The following ITCH variants were observed in gnomAD, a reference collection of about 807,000 sequenced individuals.
The protein encoded by ITCH is itchy E3 ubiquitin protein ligase.
In ITCH, 28 loss-of-function variants were observed where a neutral mutation model predicts 126.8. The ratio of observed to expected loss-of-function variants is 0.22; its 90% CI spans 0.16 to 0.30. The LOEUF is 0.30. Ranked by LOEUF, ITCH falls within the 10% of genes least tolerant of loss-of-function variation. ITCH has a pLI of 1.00. For missense variants in ITCH, 631 were observed against 1,032.4 expected (o/e 0.61, Z 5.33); for synonymous variants, 342 against 340.0 (o/e 1.01, Z -0.06).
intron 15 of ITCH, among the ~76,000 whole-genome samples, chr20:34,471,095 TG>T (rs1477171627): frequency 2.0e-5 from 3 of 152,172 alleles, no homozygotes; most frequent in African/African-American, 7.2e-5. Context: ...GTTACTGTGA[TG>T]AATATTTTTA....
chr20:34,442,784 T>C (rs1484488606), intron 10 of ITCH, among the ~76,000 whole-genome samples: 2 of 150,242 alleles, frequency 1.3e-5, no homozygotes, highest in African/African-American at 4.9e-5. Context: ...CCATCCTGGC[T>C]AACGTGGTGA....
At chr20:34,433,443 C>T (rs923315749) in intron 7 of ITCH, among the ~76,000 whole-genome samples, 54 of 152,022 alleles carry the variant, frequency 3.6e-4, no homozygotes, top group African/African-American at 1.1e-3. Flanking sequence ...TTTGGGAGGC[C>T]GAGGTGGGTG....
intron 6 of ITCH, among the ~76,000 whole-genome samples, chr20:34,418,403 A>G (rs904578501): frequency 1.3e-5 from 2 of 152,228 alleles, no homozygotes; most frequent in Middle Eastern, 3.4e-3. Context: ...TATTCTATGC[A>G]TTCCATTCCT....
rs143763940 is a variant in ITCH, at chr20:34,441,775, G to A, written c.870-433G>A. 83 of 200,152 alleles carry A rather than the reference G, an allele frequency of 4.1e-4. No homozygotes were observed. The East Asian group carries it at 9.1e-3, about 22-fold the overall frequency. 12.4% of individuals were successfully genotyped at this position (200,152 alleles called of 1,614,324 possible). ...TAATTTTTGAATTTTCAGTAGAAAC[G>A]GGGTTTCACCATGTTGGCCAGGCTG... On this transcript the variant is annotated intron_variant, in intron 9 of 24. Coordinates refer to ENST00000374864, the MANE Select transcript of ITCH (RefSeq NM_031483.7).
chr20:34,370,799 G>GAA lies in ITCH; in HGVS notation c.-22+1337_-22+1338dup, dbSNP rs1028629670. On this transcript the variant is annotated intron_variant, in intron 2 of 24. Coordinates refer to ENST00000374864, the MANE Select transcript of ITCH (RefSeq NM_031483.7). ...GGAGAGAAGGAAGACTACTGGGTAAGAAAAAAAAAGTAGAACATAAAGTTA... is the reference window on the plus strand; with the variant it reads ...GGAGAGAAGGAAGACTACTGGGTAAGAAAAAAAAAAAGTAGAACATAAAGTTA... 2.0e-5 allele frequency among the ~76,000 whole-genome samples: 3 copies of GAA among 151,308 alleles called. No homozygotes were observed. In the East Asian group the frequency reaches 5.8e-4, roughly 29 times the overall value.
At chr20:34,501,378 C>A (rs1413441056) in intron 23 of ITCH, among the ~76,000 whole-genome samples, 1 of 152,116 alleles carries the variant, frequency 6.6e-6, no homozygotes, top group African/African-American at 2.4e-5. Flanking sequence ...TAATACATGT[C>A]TATTTGGGGA....
At chr20:34,453,403 C>T (rs1344617463) in intron 12 of ITCH, among the ~76,000 whole-genome samples, 1 of 152,046 alleles carries the variant, frequency 6.6e-6, no homozygotes, top group African/African-American at 2.4e-5. Flanking sequence ...GAGTTCGATA[C>T]CAGGCTGGGG....
intron 3 of ITCH, among the ~76,000 whole-genome samples, chr20:34,407,515 C>T (rs879866453): frequency 2.8e-4 from 42 of 152,158 alleles, no homozygotes; most frequent in African/African-American, 8.0e-4. Context: ...GTGATCCACC[C>T]GCCTCAGTCT....
chr20:34,425,991 C>T (rs150088602), intron 7 of ITCH, among the ~76,000 whole-genome samples: 122 of 152,350 alleles, frequency 8.0e-4, no homozygotes, highest in African/African-American at 2.8e-3. Flanking sequence ...AGGCCCCCTT[C>T]ATCTAAAAGG....
intron 16 of ITCH, chr20:34,476,353 CGGCTCCTCAGCAGGCCGCT>C: frequency 7.4e-7 from 1 of 1,342,440 alleles, no homozygotes; most frequent in Non-Finnish European, 1.0e-6. Context: ...GCCCGGTCCC[CGGCTCCTCAGCAGGCCGCT>C]GGCTCCAGCG....
In ITCH at chr20:34,509,231, A is replaced by T. The variant is rs949087781; in HGVS notation, c.*1437A>T. On this transcript the variant is annotated 3_prime_UTR_variant, in exon 25 of 25. Coordinates refer to ENST00000374864, the MANE Select transcript of ITCH (RefSeq NM_031483.7). Reference sequence around the variant, plus strand: ...TTAACTTGGCCTAGCTTCGACTGTCAAGGTGGCTGTTATAAATTTGACTTC... The same window carrying T: ...TTAACTTGGCCTAGCTTCGACTGTCTAGGTGGCTGTTATAAATTTGACTTC... 1.3e-5 allele frequency: 2 copies of T among 152,494 alleles called. No individual in the cohort carries two copies. Among genetic ancestry groups the T allele is most frequent in the African/African-American group, 4.8e-5 (2 of 41,450 alleles). The allele number at this position is 152,494 out of a possible 1,614,324, so 9.4% of individuals were successfully genotyped here.
At chr20:34,475,833 GA>G in intron 16 of ITCH, 1 of 731,116 alleles carries the variant, frequency 1.4e-6, no homozygotes, top group Admixed American at 2.2e-5. Flanking sequence ...TCATAATACA[GA>G]ATCCACTCAT....
intron 15 of ITCH, among the ~76,000 whole-genome samples, chr20:34,470,408 C>G (rs1482166436): frequency 6.8e-6 from 1 of 146,948 alleles, no homozygotes; most frequent in African/African-American, 2.5e-5. Flanking sequence ...CATATTGAGG[C>G]CTTACCTCTG....
At position 34,438,537 on chromosome 20, in the gene ITCH, T is replaced by C. The variant is rs2146279650; in HGVS notation, c.585T>C (p.Ser195=). Residue 195 remains serine (S), a synonymous_variant, in exon 8 of 25, where the codon AGT becomes AGC. Coordinates refer to ENST00000374864, the MANE Select transcript of ITCH (RefSeq NM_031483.7). ...GAGCTGGTGAAAATAGGAGAGTCAG[T>C]GGGAATAATTCTCCATCACTCTCAA... ...DAGAGENRRV[S]GNNSPSLSNG... The C allele has an allele frequency of 6.2e-7, 1 of 1,613,902 alleles. No individual in the cohort carries two copies.
At position 34,489,816 on chromosome 20, in the gene ITCH, C is replaced by T; in HGVS notation, c.2215-6C>T. The T allele has an allele frequency of 6.2e-7, 1 of 1,604,010 alleles. No homozygotes were observed. On this transcript the variant is annotated splice_region_variant and splice_polypyrimidine_tract_variant and intron_variant, in intron 21 of 24. Transcript: ENST00000374864. ...AGGAAACAATTTGTCTTTTTCATCC[C>T]TAAAGGTCCTTTTATGTGGAATGCA...
In ITCH at chr20:34,470,131, G is replaced by T. The variant is rs188999645; in HGVS notation, c.1497+11G>T. The T allele has an allele frequency of 3.1e-5, 50 of 1,602,624 alleles. No individual in the cohort carries two copies. In the Admixed American group the frequency reaches 8.4e-4, roughly 27 times the overall value. On this transcript the variant is annotated intron_variant, in intron 15 of 24. Coordinates refer to ENST00000374864, the MANE Select transcript of ITCH (RefSeq NM_031483.7). ...CGGTTCTGGTGTCAGGTTAGTATTG[G>T]AACTGTATCTCTGTACTGCCTTAAC...
rs541442197 is a variant in ITCH at position 34,376,214 on chromosome 20, C to T, written c.-22+6744C>T. The stretch of plus-strand genomic sequence containing the variant: ...TGCCCTCTGAGAAGAAAGTTCTTAC[C>T]CACGTAAAGATTTAACCAGCCTCGG... On this transcript the variant is annotated intron_variant, in intron 2 of 24. Coordinates refer to ENST00000374864, the MANE Select transcript of ITCH (RefSeq NM_031483.7). Among the ~76,000 whole-genome samples, 12 of 151,970 alleles carry T rather than the reference C, an allele frequency of 7.9e-5. No individual in the cohort carries two copies. In the South Asian group the frequency reaches 2.3e-3, roughly 29 times the overall value.
At chr20:34,483,656 A>G (rs1308534017) in intron 20 of ITCH, among the ~76,000 whole-genome samples, 3 of 152,194 alleles carry the variant, frequency 2.0e-5, no homozygotes, top group African/African-American at 4.8e-5. Flanking sequence ...CAACAAGTCT[A>G]TAGGAAGTTC....
intron 9 of ITCH, 185 bp from the exon 10 acceptor site, chr20:34,442,023 G>T (rs1035770208): frequency 9.6e-6 from 6 of 626,766 alleles, no homozygotes; most frequent in Admixed American, 7.3e-5. Flanking sequence ...AATTCACTGT[G>T]TGCCACTGCC....
Sources: gnomAD v4.1 joint callset for allele counts (sites outside exome capture counted in the v4.1 genomes callset) on GRCh38, gnomAD v4.1.1 for gene constraint, MANE v1.5 for transcripts, NCBI Gene and HGNC (gene_info 2026-07-23, HGNC 2026-07-21) for gene names.